Variants in MUC13 observed in about 807,000 individuals in gnomAD.
MUC13 encodes the protein mucin 13, cell surface associated, also known as mucin-13.
Under a neutral mutation model 48.3 loss-of-function variants are expected in MUC13, and 32 were observed. That is an observed-to-expected ratio of 0.66 (90% CI 0.50 to 0.89). The LOEUF is 0.89. Among genes scored for constraint, MUC13 ranks in the 40% least tolerant of loss-of-function variants. MUC13 has a pLI of 0.00. For synonymous variants in MUC13, 199 were observed against 224.9 expected, an observed-to-expected ratio of 0.88 and a Z score of 1.03; for missense variants, 571 against 622.8, an observed-to-expected ratio of 0.92 and a Z score of 0.88.
intron 3 of MUC13, among the ~76,000 whole-genome samples, chr3:124,922,591 CTTTTT>C (rs1242125220): frequency 2.3e-5 from 2 of 85,448 alleles, no homozygotes; most frequent in African/African-American, 4.7e-5. Context: ...GTTGCCTAGT[CTTTTT>C]TTTTTTTTTT....
intron 2 of MUC13, among the ~76,000 whole-genome samples, 163 bp downstream of exon 2, chr3:124,927,369 C>T (rs1255389686): frequency 1.3e-5 from 2 of 152,178 alleles, no homozygotes; most frequent in South Asian, 4.1e-4. Context: ...AGGGCCTCTG[C>T]TGTCACTACA....
intron 1 of MUC13, among the ~76,000 whole-genome samples, chr3:124,929,063 C>T (rs1253010494): frequency 6.6e-6 from 1 of 152,186 alleles, no homozygotes; most frequent in Admixed American, 6.5e-5. Flanking sequence ...TCTTTGCCCT[C>T]TGAGCTATGA....
At chr3:124,924,093 G>A (rs995152993) in intron 2 of MUC13, among the ~76,000 whole-genome samples, 3 of 152,134 alleles carry the variant, frequency 2.0e-5, no homozygotes, top group East Asian at 3.8e-4. Context: ...CAGCCAAGAA[G>A]CTCCAAAAGA....
At chr3:124,912,341 G>C (rs1935434243) in intron 8 of MUC13, 200 bp from the exon 9 acceptor site, 2 of 698,676 alleles carry the variant, frequency 2.9e-6, no homozygotes, top group Admixed American at 6.0e-5. Flanking sequence ...GGAAGGGTGA[G>C]GGGGGTACGC....
chr3:124,927,407 T>C (rs1935706405), intron 2 of MUC13, 125 bp downstream of exon 2: 1 of 841,796 alleles, frequency 1.2e-6, no homozygotes, highest in East Asian at 2.6e-5. Context: ...AGCCCACAGT[T>C]CATTTCCAAA....
chr3:124,918,836 T>A (rs1449515961), intron 5 of MUC13, among the ~76,000 whole-genome samples: 2 of 152,172 alleles, frequency 1.3e-5, no homozygotes, highest in Non-Finnish European at 2.9e-5. Context: ...CTGTCCGCTG[T>A]ACACCTCCAG....
chr3:124,925,572 T>G (rs1408813602), intron 2 of MUC13, among the ~76,000 whole-genome samples: 1 of 152,204 alleles, frequency 6.6e-6, no homozygotes, highest in African/African-American at 2.4e-5. Context: ...TACCTTTCTC[T>G]AAATCTTGCT....
At chr3:124,911,413 C>T (rs972047203) in intron 9 of MUC13, among the ~76,000 whole-genome samples, 20 of 152,156 alleles carry the variant, frequency 1.3e-4, no homozygotes, top group Admixed American at 6.5e-5. Flanking sequence ...AAATTGAAAG[C>T]CCTGAAGAAA....
intron 1 of MUC13, among the ~76,000 whole-genome samples, chr3:124,930,551 G>A (rs1002393323): frequency 2.6e-5 from 4 of 152,174 alleles, no homozygotes; most frequent in African/African-American, 9.7e-5. Flanking sequence ...AGACATCTGT[G>A]CAGTAGAAAT....
chr3:124,922,178 A>C lies in MUC13; in HGVS notation c.744+19T>G. The C allele has an allele frequency of 6.2e-7, 1 of 1,613,570 alleles. No individual in the cohort carries two copies. The highest frequency in any genetic ancestry group is 8.5e-7 in the Non-Finnish European group (1 of 1,179,796). On this transcript the variant is annotated intron_variant, in intron 4 of 11. Transcript: ENST00000616727. ...GAACAAAGAATGCTTTACAGAAAGG[A>C]AAGTTGGAAAATACTTACCAAGCTA...
chr3:124,928,855 A>G (rs757369332), intron 1 of MUC13, among the ~76,000 whole-genome samples: 1 of 152,206 alleles, frequency 6.6e-6, no homozygotes, highest in Non-Finnish European at 1.5e-5. Context: ...GTCTTTCTGC[A>G]CTTTAAGGCA....
chr3:124,924,299 T>A (rs996736583), intron 2 of MUC13, among the ~76,000 whole-genome samples: 1 of 152,222 alleles, frequency 6.6e-6, no homozygotes, highest in Non-Finnish European at 1.5e-5. Flanking sequence ...TTCTACACTG[T>A]GGGCTGAGAC....
At chr3:124,923,169 C>G (rs1362782104) in intron 3 of MUC13, among the ~76,000 whole-genome samples, 1 of 150,514 alleles carries the variant, frequency 6.6e-6, no homozygotes, top group Non-Finnish European at 1.5e-5. Context: ...GTGATCTAAT[C>G]AAAACATCAT....
At chr3:124,916,210 A>C in intron 6 of MUC13, 107 bp downstream of exon 6, 2 of 807,314 alleles carry the variant, frequency 2.5e-6, no homozygotes, top group Non-Finnish European at 4.0e-6. Flanking sequence ...GACAGTTGTC[A>C]GTTCAATGAT....
chr3:124,917,752 G>A (rs1284857907), intron 5 of MUC13, among the ~76,000 whole-genome samples: 1 of 147,730 alleles, frequency 6.8e-6, no homozygotes, highest in Middle Eastern at 3.5e-3. Flanking sequence ...GTGGGGCGGG[G>A]GCGGGGGCGG....
At chr3:124,913,756 C>A (rs1579363365) in intron 6 of MUC13, 75 bp from the exon 7 acceptor site, 5 of 1,556,566 alleles carry the variant, frequency 3.2e-6, no homozygotes, top group Non-Finnish European at 3.5e-6. Flanking sequence ...AATTACCCCA[C>A]CCCATTGCTG....
chr3:124,914,861 G>A (rs543473265), intron 6 of MUC13, among the ~76,000 whole-genome samples: 2 of 152,302 alleles, frequency 1.3e-5, no homozygotes, highest in East Asian at 3.9e-4. Context: ...GGGAGTTGGA[G>A]GTTGTGGTGA....
rs757236633 is a variant in MUC13 at position 124,913,107 on chromosome 3, T to C, written c.1214+4A>G. 2 of 1,613,480 alleles carry C rather than the reference T, an allele frequency of 1.2e-6. No homozygotes were observed. The highest frequency in any genetic ancestry group is 3.3e-5 in the Admixed American group (2 of 59,888). ...CAAGACAAAAACAAAGTTATTTTTC[T>C]TACTTTTGGCAGTTCCCATTAGCAT... On this transcript the variant is annotated splice_donor_region_variant and intron_variant, in intron 8 of 11. Coordinates refer to ENST00000616727, the MANE Select transcript of MUC13 (RefSeq NM_033049.4).
Position 124,913,534 on chromosome 3 carries a change from A to T in MUC13, c.1084+28T>A, listed in dbSNP as rs567768571. The T allele has an allele frequency of 5.6e-6, 9 of 1,613,590 alleles. No individual in the cohort carries two copies. The African/African-American group carries it at 1.1e-4, about 19-fold the overall frequency. On this transcript the variant is annotated intron_variant, in intron 7 of 11. Coordinates refer to ENST00000616727, the MANE Select transcript of MUC13 (RefSeq NM_033049.4). The stretch of plus-strand genomic sequence containing the variant: ...AAGAAGAGAAAGTGATGTTATGAAG[A>T]ACATTTAGAAGCAGGTGAAACACTT...
Sources: allele counts gnomAD v4.1 joint callset (sites outside exome capture counted in the v4.1 genomes callset), GRCh38; gene constraint gnomAD v4.1.1; transcripts MANE v1.5; gene names NCBI Gene and HGNC (gene_info 2026-07-23, HGNC 2026-07-21).